Variants in PPEF2 observed in about 807,000 individuals in gnomAD.
PPEF2 encodes the protein serine/threonine-protein phosphatase with EF-hands 2.
A neutral mutation model predicts 84.7 loss-of-function variants in PPEF2; 84 were observed. The observed-to-expected ratio is 0.99, with a 90% CI of 0.83 to 1.19. The LOEUF is 1.19. Ranked by LOEUF, PPEF2 falls within the 50% of genes most tolerant of loss-of-function variation. The probability of loss-of-function intolerance (pLI) is 0.00; values close to 1 mark genes in which losing one functional copy is unlikely to be tolerated. For synonymous variants in PPEF2, 346 were observed against 345.2 expected (o/e 1.00, Z -0.03); for missense variants, 924 against 937.5 (o/e 0.99, Z 0.19).
intron 13 of PPEF2, 132 bp downstream of exon 13, chr4:75,871,893 C>A: frequency 1.0e-6 from 1 of 957,088 alleles, no homozygotes; most frequent in Non-Finnish European, 1.5e-6. Flanking sequence ...ATTAATAGAA[C>A]TTCATGCTGA....
intron 4 of PPEF2, among the ~76,000 whole-genome samples, chr4:75,890,715 A>G (rs1354368026): frequency 1.3e-5 from 2 of 152,118 alleles, no homozygotes; most frequent in African/African-American, 2.4e-5. Flanking sequence ...AAGCAGAAGG[A>G]AAGGGGAAAG....
intron 2 of PPEF2, among the ~76,000 whole-genome samples, chr4:75,892,557 G>A (rs1300755463): frequency 1.3e-5 from 2 of 152,126 alleles, no homozygotes; most frequent in East Asian, 1.9e-4. Context: ...TGCATCATAC[G>A]ATGTCAGGGG....
At position 75,878,371 on chromosome 4, in the gene PPEF2, G is replaced by T. The variant is rs1480139829; in HGVS notation, c.934-1698C>A. ...GCCTCAGTGCTATGGTGAACCCCGA[G>T]GGGGAAGACTTCCATGGTATATCCA... On this transcript the variant is annotated intron_variant, in intron 10 of 16. Coordinates refer to ENST00000286719, the MANE Select transcript of PPEF2 (RefSeq NM_006239.3). Among the ~76,000 whole-genome samples the T allele has an allele frequency of 2.6e-5, 4 of 152,214 alleles. No homozygotes were observed. The East Asian group carries it at 7.7e-4, about 29-fold the overall frequency.
chr4:75,879,083 T>C (rs2149220072), intron 10 of PPEF2, among the ~76,000 whole-genome samples: 2 of 152,300 alleles, frequency 1.3e-5, no homozygotes, highest in South Asian at 4.1e-4. Context: ...ATGTTTCCAG[T>C]GATTTTTAAC....
chr4:75,881,054 C>A (rs991437901), intron 10 of PPEF2, among the ~76,000 whole-genome samples: 20 of 151,446 alleles, frequency 1.3e-4, no homozygotes, highest in African/African-American at 4.9e-4. Flanking sequence ...CCCATCTCAG[C>A]CTCCCAAAGT....
At chr4:75,881,032 C>A (rs1293720913) in intron 10 of PPEF2, among the ~76,000 whole-genome samples, 1 of 151,708 alleles carries the variant, frequency 6.6e-6, no homozygotes, top group African/African-American at 2.4e-5. Context: ...GATCTCCTGA[C>A]CTCGTGATCC....
At chr4:75,865,474 G>C (rs975212964) in intron 15 of PPEF2, among the ~76,000 whole-genome samples, 1 of 152,066 alleles carries the variant, frequency 6.6e-6, no homozygotes, top group Admixed American at 6.6e-5. Context: ...TGCAACCTCT[G>C]CCTCCTGGGT....
chr4:75,885,995 G>A (rs1280920639), intron 7 of PPEF2, among the ~76,000 whole-genome samples: 1 of 125,896 alleles, frequency 7.9e-6, no homozygotes, highest in Non-Finnish European at 1.7e-5. Context: ...GGCGAGAAGA[G>A]CGAAACTCTG....
intron 5 of PPEF2, among the ~76,000 whole-genome samples, chr4:75,888,945 C>T (rs554713633): frequency 6.6e-6 from 1 of 152,372 alleles, no homozygotes; most frequent in South Asian, 2.1e-4. Flanking sequence ...GGTATGATGG[C>T]TCACGCCTGT....
chr4:75,890,040 C>CA lies in PPEF2; in HGVS notation c.333_334insT (p.Asp112Ter). 6.2e-7 allele frequency: 1 copy of CA among 1,614,066 alleles called. No homozygotes were observed. The highest frequency in any genetic ancestry group is 8.5e-7 in the Non-Finnish European group (1 of 1,180,004). On this transcript the variant is annotated frameshift_variant, in exon 5 of 17. Transcript: ENST00000286719. LOFTEE classifies it high-confidence loss of function. ...GAGAGGCGTGGCCCCGTGTAACTGT[C>CA]GGGTACCTCTATGGATTCATAGTCA...
rs749559246 is a variant in PPEF2, at chr4:75,891,658, G to A, written c.231C>T (p.Ser77=). 5 of 1,610,158 alleles carry A rather than the reference G, an allele frequency of 3.1e-6. No homozygotes were observed. In the South Asian group the frequency reaches 3.3e-5, roughly 11 times the overall value. ...SYLMDHFIPS[S]HNDRDFLTRI... ...GCAGTTCATACTCACTGTCGTTGTG[G>A]CTGCTGGGGATGAAGTGATCCATGA... Residue 77 remains serine (S), a synonymous_variant, in exon 4 of 17, where the codon AGC becomes AGT. Transcript: ENST00000286719.
rs758041408 is a variant in PPEF2 at position 75,873,208 on chromosome 4, C to T, written c.1425G>A (p.Leu475=). The T allele has an allele frequency of 3.6e-5, 58 of 1,613,934 alleles. No individual in the cohort carries two copies. The highest frequency in any genetic ancestry group is 4.5e-5 in the Non-Finnish European group (53 of 1,179,940). Reference sequence around the variant, plus strand: ...GGAATTGCATGTTGTATTTTTGTAGCAACTGTTGTGTCACATCAGGCCCAA... The same window carrying T: ...GGAATTGCATGTTGTATTTTTGTAGTAACTGTTGTGTCACATCAGGCCCAA... ...CYFGPDVTQQ[L]LQKYNMQFLI... is the part of the protein sequence containing the mutation. The change falls in exon 12 of 17, where the codon TTG becomes TTA. Residue 475 remains leucine, a synonymous_variant. Transcript: ENST00000286719.
At chr4:75,866,405 C>A (rs1724132686) in intron 14 of PPEF2, 53 bp from the exon 15 acceptor site, 3 of 1,590,686 alleles carry the variant, frequency 1.9e-6, no homozygotes, top group Non-Finnish European at 2.6e-6. Context: ...TAGTTTCCTG[C>A]CCAATGGTGT....
intron 1 of PPEF2, among the ~76,000 whole-genome samples, chr4:75,900,153 TC>T (rs1442600536): frequency 1.3e-5 from 2 of 152,214 alleles, no homozygotes; most frequent in African/African-American, 4.8e-5. Flanking sequence ...GCATACTATT[TC>T]AATGCTGCAT....
At chr4:75,866,560 G>T in intron 14 of PPEF2, 2 of 668,944 alleles carry the variant, frequency 3.0e-6, no homozygotes, top group South Asian at 3.2e-5. Context: ...AATTTTAATT[G>T]AAGACAGACA....
At chr4:75,872,977 T>G in intron 12 of PPEF2, 150 bp downstream of exon 12, 1 of 691,044 alleles carries the variant, frequency 1.4e-6, no homozygotes, top group East Asian at 2.9e-5. Context: ...GATAAATGAC[T>G]GTAAAGGACC....
chr4:75,899,779 CCAA>C (rs1404453448), intron 1 of PPEF2, among the ~76,000 whole-genome samples: 4 of 77,686 alleles, frequency 5.1e-5, no homozygotes, highest in African/African-American at 6.9e-5. Context: ...CATGTCCAAA[CCAA>C]CAAAACTGCT....
intron 2 of PPEF2, 52 bp downstream of exon 2, chr4:75,896,219 A>C (rs2149230256): frequency 1.3e-6 from 2 of 1,578,346 alleles, no homozygotes; most frequent in Non-Finnish European, 1.7e-6. Flanking sequence ...CTCTCCATGC[A>C]ATATGGGCTT....
intron 10 of PPEF2, among the ~76,000 whole-genome samples, chr4:75,882,263 T>C (rs1267370022): frequency 6.6e-6 from 1 of 152,214 alleles, no homozygotes; most frequent in African/African-American, 2.4e-5. Context: ...TAACTGAAAT[T>C]GATCTTCATC....
Sources: allele counts gnomAD v4.1 joint callset (sites outside exome capture counted in the v4.1 genomes callset), GRCh38; gene constraint gnomAD v4.1.1; transcripts MANE v1.5; gene names NCBI Gene and HGNC (gene_info 2026-07-23, HGNC 2026-07-21).